The following PAK1 variants were observed in gnomAD, a reference collection of about 807,000 sequenced individuals.
The protein encoded by PAK1 is serine/threonine-protein kinase PAK 1.
In PAK1, 29 loss-of-function variants were observed where a neutral mutation model predicts 67.4. The observed-to-expected ratio is 0.43, with a 90% confidence interval of 0.32 to 0.59. The LOEUF (loss-of-function observed/expected upper bound fraction) is 0.59, where lower values mean the gene tolerates loss of function less well. Ranked by LOEUF, PAK1 falls within the 20% of genes least tolerant of loss-of-function variation. The pLI, the probability that PAK1 is intolerant of heterozygous loss-of-function variation, is 0.07. For missense variants in PAK1, 337 were observed against 670.7 expected (o/e 0.50, Z 5.50); for synonymous variants, 223 against 237.4 (o/e 0.94, Z 0.56).
chr11:77,483,998 A>T, the PAK1 span, among the ~76,000 whole-genome samples: 1 of 152,158 alleles, frequency 6.6e-6, no homozygotes, highest in African/African-American at 2.4e-5. Flanking sequence ...GATCAATCAG[A>T]TTCTCTCTTT....
chr11:77,428,292 G>A (rs1326531870), intron 1 of PAK1, among the ~76,000 whole-genome samples: 7 of 152,104 alleles, frequency 4.6e-5, no homozygotes, highest in East Asian at 3.9e-4. Context: ...GGCCAGGCGC[G>A]GTGGCTCACA....
At chr11:77,415,493 A>C (rs1954896754) in intron 1 of PAK1, among the ~76,000 whole-genome samples, 1 of 152,232 alleles carries the variant, frequency 6.6e-6, no homozygotes, top group African/African-American at 2.4e-5. Context: ...TACTGCTTCA[A>C]GACTACAAAC....
chr11:77,407,359 C>T (rs564459494), intron 1 of PAK1, among the ~76,000 whole-genome samples: 3 of 152,320 alleles, frequency 2.0e-5, no homozygotes, highest in East Asian at 3.9e-4. Flanking sequence ...TACCCCACTC[C>T]TTTTCCTTTA....
chr11:77,430,658 T>G (rs1246005854), intron 1 of PAK1, among the ~76,000 whole-genome samples: 1 of 152,256 alleles, frequency 6.6e-6, no homozygotes, highest in Non-Finnish European at 1.5e-5. Flanking sequence ...TAGAGTTAGA[T>G]CCAGTTGTGA....
intron 5 of PAK1, among the ~76,000 whole-genome samples, chr11:77,366,393 CAA>C (rs1177318698): frequency 6.6e-6 from 1 of 152,072 alleles, no homozygotes; most frequent in African/African-American, 2.4e-5. Context: ...GTTAGGCTTC[CAA>C]TATATACAGT....
chr11:77,345,683 G>A (rs1325848016), intron 9 of PAK1, among the ~76,000 whole-genome samples: 1 of 152,206 alleles, frequency 6.6e-6, no homozygotes, highest in Admixed American at 6.5e-5. Flanking sequence ...TTGGAGTGGG[G>A]TTTCCTGTTA....
chr11:77,376,719 AGAGT>A (rs760614153), intron 4 of PAK1, among the ~76,000 whole-genome samples: 2 of 147,546 alleles, frequency 1.4e-5, no homozygotes, highest in South Asian at 2.2e-4. Flanking sequence ...CCTGGGTGAC[AGAGT>A]GAGACTCCAT....
chr11:77,332,499 A>T (rs1400620964), intron 14 of PAK1, among the ~76,000 whole-genome samples: 1 of 151,012 alleles, frequency 6.6e-6, no homozygotes, highest in Non-Finnish European at 1.5e-5. Flanking sequence ...CAGAAAATAG[A>T]TTGTAAACTG....
At chr11:77,376,709 C>T (rs184596807) in intron 4 of PAK1, among the ~76,000 whole-genome samples, 2 of 148,114 alleles carry the variant, frequency 1.4e-5, no homozygotes, top group Admixed American at 1.4e-4. Flanking sequence ...TGCACTCCAG[C>T]CTGGGTGACA....
At chr11:77,458,945 T>G (rs1455051990) in intron 1 of PAK1, among the ~76,000 whole-genome samples, 3 of 152,064 alleles carry the variant, frequency 2.0e-5, no homozygotes, top group Non-Finnish European at 4.4e-5. Context: ...GAACTTAAAA[T>G]CATAAATGGG....
At position 77,383,157 on chromosome 11, in the gene PAK1, T is replaced by A. The variant is rs367934813; in HGVS notation, c.191-3163A>T. ...CTTTCACTCTTTATTATACCCCTGA[T>A]CCCTACTGAGATTTGACTGGTATCA... On this transcript the variant is annotated intron_variant, in intron 2 of 14. Transcript: ENST00000356341. 1.1e-4 allele frequency among the ~76,000 whole-genome samples: 17 copies of A among 152,218 alleles called. No individual in the cohort carries two copies. In the East Asian group the frequency reaches 2.9e-3, roughly 26 times the overall value.
chr11:77,518,205 G>GA, the PAK1 span, among the ~76,000 whole-genome samples: 15 of 152,070 alleles, frequency 9.9e-5, no homozygotes, highest in Admixed American at 4.6e-4. Flanking sequence ...GCTGTGAAAT[G>GA]AAAAAAATGG....
At chr11:77,346,995 C>A (rs1435387057) in intron 9 of PAK1, 1 of 456,082 alleles carries the variant, frequency 2.2e-6, no homozygotes, top group Admixed American at 2.3e-5. Flanking sequence ...ACTAGGTCTG[C>A]CCTTCTCAGC....
chr11:77,403,197 T>C (rs952743061), intron 1 of PAK1, among the ~76,000 whole-genome samples: 2 of 152,230 alleles, frequency 1.3e-5, no homozygotes, highest in Non-Finnish European at 2.9e-5. Flanking sequence ...TATTTTCCTT[T>C]GAGTAGCTTC....
intron 1 of PAK1, among the ~76,000 whole-genome samples, chr11:77,464,989 AGTGTGTGTGT>A (rs57578087): frequency 0.011 from 1,643 of 149,006 alleles, 13 homozygotes; most frequent in Non-Finnish European, 0.017. Context: ...TACATGAAAG[AGTGTGTGTGT>A]GTGTGTGTGT....
chr11:77,498,531 C>T, the PAK1 span, among the ~76,000 whole-genome samples: 2 of 152,022 alleles, frequency 1.3e-5, no homozygotes, highest in African/African-American at 2.4e-5. Context: ...CAGTCCTTGG[C>T]CTCTCTGCCT....
chr11:77,480,107 T>C, the PAK1 span, among the ~76,000 whole-genome samples: 2 of 152,192 alleles, frequency 1.3e-5, no homozygotes, highest in Non-Finnish European at 2.9e-5. Flanking sequence ...TCTTTTGTTT[T>C]GTTTTAACTA....
chr11:77,510,898 T>G, the PAK1 span, among the ~76,000 whole-genome samples: 1 of 152,242 alleles, frequency 6.6e-6, no homozygotes, highest in Admixed American at 6.5e-5. Context: ...TGATCTCCCC[T>G]TCCTCCAGCA....
intron 1 of PAK1, among the ~76,000 whole-genome samples, chr11:77,407,225 A>G (rs149339783): frequency 7.9e-5 from 12 of 152,294 alleles, no homozygotes; most frequent in South Asian, 2.1e-4. Context: ...GTGTTACATC[A>G]TAAGAAGTCA....
Sources: allele counts gnomAD v4.1 joint callset (sites outside exome capture counted in the v4.1 genomes callset), GRCh38; gene constraint gnomAD v4.1.1; transcripts MANE v1.5; gene names NCBI Gene and HGNC (gene_info 2026-07-23, HGNC 2026-07-21).